Variants in RAPGEF6 observed in about 807,000 individuals in gnomAD.
RAPGEF6 encodes the protein PDZ domain containing guanine nucleotide exchange factor (GEF) 2.
RAPGEF6 carries 56 observed loss-of-function variants against 171.4 expected under a neutral mutation model. That is an observed-to-expected ratio of 0.33 (90% confidence interval 0.26 to 0.41). The LOEUF is 0.41. Among genes scored for constraint, RAPGEF6 ranks in the 10% least tolerant of loss-of-function variants. The pLI is 1.00. For synonymous variants in RAPGEF6, 692 were observed against 650.1 expected (o/e 1.06, Z -0.98); for missense variants, 1,674 against 1,921.4 (o/e 0.87, Z 2.41).
At chr5:131,571,725 A>T (rs374894770) in intron 4 of RAPGEF6, among the ~76,000 whole-genome samples, 6 of 152,324 alleles carry the variant, frequency 3.9e-5, no homozygotes, top group South Asian at 4.1e-4. Flanking sequence ...GATGCTAGAA[A>T]TCATACGGAA....
intron 3 of RAPGEF6, 125 bp from the exon 4 acceptor site, chr5:131,592,591 A>C: frequency 7.0e-7 from 1 of 1,437,338 alleles, no homozygotes; most frequent in Non-Finnish European, 9.2e-7. Context: ...ACTACCTGGA[A>C]ATTTGGAATA....
intron 9 of RAPGEF6, among the ~76,000 whole-genome samples, chr5:131,505,781 C>T (rs953978509): frequency 3.3e-5 from 5 of 152,116 alleles, no homozygotes; most frequent in African/African-American, 9.7e-5. Context: ...GTGTAATGTT[C>T]AAGAGCACAA....
intron 27 of RAPGEF6, among the ~76,000 whole-genome samples, chr5:131,427,551 A>G (rs1478957173): frequency 6.6e-6 from 1 of 152,174 alleles, no homozygotes; most frequent in Non-Finnish European, 1.5e-5. Context: ...TAAAACAATC[A>G]TTTCTCAAAC....
chr5:131,516,730 T>C (rs1758109521), intron 7 of RAPGEF6, among the ~76,000 whole-genome samples: 1 of 152,242 alleles, frequency 6.6e-6, no homozygotes, highest in African/African-American at 2.4e-5. Context: ...GAATACTCTT[T>C]GAAGATGCAG....
intron 11 of RAPGEF6, among the ~76,000 whole-genome samples, chr5:131,504,381 GA>G (rs1442034582): frequency 6.6e-6 from 1 of 151,926 alleles, no homozygotes; most frequent in Non-Finnish European, 1.5e-5. Context: ...AGAATCGCTT[GA>G]ACCTGGGAGG....
intron 16 of RAPGEF6, among the ~76,000 whole-genome samples, chr5:131,476,295 A>G (rs1366139898): frequency 1.3e-5 from 2 of 152,090 alleles, no homozygotes; most frequent in African/African-American, 4.8e-5. Flanking sequence ...GTCATTTTAA[A>G]ATATTTATTG....
intron 1 of RAPGEF6, among the ~76,000 whole-genome samples, chr5:131,610,834 T>C (rs1764892260): frequency 6.6e-6 from 1 of 152,194 alleles, no homozygotes; most frequent in South Asian, 2.1e-4. Flanking sequence ...TGTGAAGAAG[T>C]AGATTTGTGT....
chr5:131,450,238 GTCAAAAAAGC>G (rs1308341626), intron 21 of RAPGEF6, among the ~76,000 whole-genome samples: 2 of 152,012 alleles, frequency 1.3e-5, no homozygotes, highest in African/African-American at 4.8e-5. Context: ...TATACTGAAG[GTCAAAAAAGC>G]TCCAAAATAC....
chr5:131,542,733 T>C (rs1011461542), intron 6 of RAPGEF6, among the ~76,000 whole-genome samples: 1 of 152,166 alleles, frequency 6.6e-6, no homozygotes, highest in African/African-American at 2.4e-5. Flanking sequence ...TGAAAGTAGG[T>C]CTTGAGACTT....
chr5:131,594,645 C>A (rs756020621), intron 3 of RAPGEF6, among the ~76,000 whole-genome samples: 2 of 152,222 alleles, frequency 1.3e-5, no homozygotes, highest in South Asian at 4.1e-4. Flanking sequence ...CAACGCCAGC[C>A]CATGAAGGTA....
intron 27 of RAPGEF6, among the ~76,000 whole-genome samples, chr5:131,427,577 A>C (rs1458496388): frequency 6.6e-6 from 1 of 152,218 alleles, no homozygotes; most frequent in Non-Finnish European, 1.5e-5. Flanking sequence ...GCACAGGTAC[A>C]AAGTCAGTCA....
At chr5:131,456,060 G>C in intron 19 of RAPGEF6, 48 bp from the exon 20 acceptor site, 1 of 1,438,486 alleles carries the variant, frequency 7.0e-7, no homozygotes, top group Non-Finnish European at 9.7e-7. Flanking sequence ...TGGGGAAAGG[G>C]GTGGACTCAG....
intron 17 of RAPGEF6, among the ~76,000 whole-genome samples, chr5:131,470,237 T>C (rs1353939076): frequency 1.3e-5 from 2 of 152,222 alleles, no homozygotes; most frequent in Non-Finnish European, 1.5e-5. Flanking sequence ...CTGAGACATA[T>C]CAGATGTTCT....
At chr5:131,563,559 A>G (rs1364416714) in intron 4 of RAPGEF6, among the ~76,000 whole-genome samples, 1 of 152,210 alleles carries the variant, frequency 6.6e-6, no homozygotes, top group Non-Finnish European at 1.5e-5. Flanking sequence ...GCTGCAGTGC[A>G]GTGGTGCAAT....
At chr5:131,541,769 A>C (rs1279520318) in intron 6 of RAPGEF6, among the ~76,000 whole-genome samples, 1 of 152,250 alleles carries the variant, frequency 6.6e-6, no homozygotes, top group Non-Finnish European at 1.5e-5. Flanking sequence ...TTTTGTATTC[A>C]TTATGAAATA....
chr5:131,553,632 A>G (rs976407345), intron 5 of RAPGEF6, among the ~76,000 whole-genome samples: 8 of 152,182 alleles, frequency 5.3e-5, no homozygotes, highest in Non-Finnish European at 1.0e-4. Context: ...AAAATGTTAG[A>G]AACAAAAGAC....
chr5:131,497,931 AT>A (rs1192263044), intron 12 of RAPGEF6, among the ~76,000 whole-genome samples: 1 of 152,246 alleles, frequency 6.6e-6, no homozygotes, highest in Non-Finnish European at 1.5e-5. Context: ...ATACAAAAAA[AT>A]ACTCAAAAGG....
intron 6 of RAPGEF6, among the ~76,000 whole-genome samples, chr5:131,535,723 T>A (rs761445675): frequency 1.2e-4 from 18 of 152,334 alleles, no homozygotes; most frequent in Non-Finnish European, 2.4e-4. Context: ...TTAAAATTTA[T>A]GTTAACTGTG....
At chr5:131,470,658 G>A (rs1176102775) in intron 17 of RAPGEF6, among the ~76,000 whole-genome samples, 1 of 152,222 alleles carries the variant, frequency 6.6e-6, no homozygotes, top group Non-Finnish European at 1.5e-5. Flanking sequence ...AGTGTGAAAA[G>A]CACTGCTGTA....
Sources: allele counts gnomAD v4.1 joint callset (sites outside exome capture counted in the v4.1 genomes callset), GRCh38; gene constraint gnomAD v4.1.1; transcripts MANE v1.5; gene names NCBI Gene and HGNC (gene_info 2026-07-23, HGNC 2026-07-21).